ANKRD27: variants seen among roughly 807,000 people sequenced by gnomAD.
The protein encoded by ANKRD27 is ankyrin repeat domain 27.
Under a neutral mutation model 129.7 loss-of-function variants are expected in ANKRD27, and 112 were observed. The observed-to-expected ratio is 0.86, with a 90% CI of 0.74 to 1.01. ANKRD27 has a LOEUF of 1.01. Among genes scored for constraint, ANKRD27 ranks in the 50% least tolerant of loss-of-function variants. ANKRD27 has a pLI of 0.00. For missense variants in ANKRD27, 1,258 were observed against 1,300.5 expected (o/e 0.97, Z 0.50); for synonymous variants, 516 against 511.2 (o/e 1.01, Z -0.13).
At chr19:32,659,258 T>G (rs553411942) in intron 1 of ANKRD27, among the ~76,000 whole-genome samples, 1 of 151,998 alleles carries the variant, frequency 6.6e-6, no homozygotes, top group Non-Finnish European at 1.5e-5. Flanking sequence ...TTTTTGTATT[T>G]TTAGTAAAGA....
chr19:32,656,225 T>C (rs1967534383), intron 2 of ANKRD27, among the ~76,000 whole-genome samples: 1 of 152,078 alleles, frequency 6.6e-6, no homozygotes, highest in African/African-American at 2.4e-5. Context: ...TCCACAGAAA[T>C]AACTATGCCA....
chr19:32,660,267 G>A (rs955276158), intron 1 of ANKRD27, among the ~76,000 whole-genome samples: 2 of 152,170 alleles, frequency 1.3e-5, no homozygotes, highest in South Asian at 2.1e-4. Context: ...TTATGCAGCC[G>A]GGCACAGTGG....
intron 1 of ANKRD27, among the ~76,000 whole-genome samples, chr19:32,662,024 T>TA (rs1280748141): frequency 6.6e-6 from 1 of 152,046 alleles, no homozygotes; most frequent in African/African-American, 2.4e-5. Flanking sequence ...CATCAGAAGA[T>TA]AGAGTAGGCC....
rs960768899 is a variant in ANKRD27, at chr19:32,675,117, G to C, written c.-77C>G. The C allele has an allele frequency of 2.6e-5, 4 of 152,356 alleles. No individual in the cohort carries two copies. The highest frequency in any genetic ancestry group is 5.9e-5 in the Non-Finnish European group (4 of 68,180). The allele number at this position is 152,356 out of a possible 1,614,324, so 9.4% of individuals were successfully genotyped here. A position where few individuals can be genotyped will look rare whatever the true frequency, so the allele number is the denominator to read the frequency against. The stretch of plus-strand genomic sequence containing the variant: ...TTCCCAGCCCATCCTGGGCGACGGC[G>C]GCACCTCCCTCGTCCGCTGCTGGGA... On this transcript the variant is annotated 5_prime_UTR_variant, in exon 1 of 29. Transcript: ENST00000306065.
chr19:32,618,585 G>C (rs1191049421), intron 20 of ANKRD27, among the ~76,000 whole-genome samples: 1 of 152,144 alleles, frequency 6.6e-6, no homozygotes, highest in Non-Finnish European at 1.5e-5. Context: ...TCTCTTGGCT[G>C]TCTCTGCTAT....
rs1484604480 is a variant in ANKRD27, at chr19:32,615,792, G to C, written c.2053-12C>G. ...AACAGGTAACGCACCTGGTGATGGA[G>C]AGTAACGGAAACAGGAACACATCCT... On this transcript the variant is annotated splice_polypyrimidine_tract_variant and intron_variant, in intron 21 of 28. Transcript: ENST00000306065. The C allele has an allele frequency of 1.9e-6, 3 of 1,609,550 alleles. No homozygotes were observed. The highest frequency in any genetic ancestry group is 2.2e-5 in the East Asian group (1 of 44,752).
rs1220468888 is a variant in ANKRD27, at chr19:32,631,382, G to A, written c.1209+20C>T. 2.5e-6 allele frequency: 4 copies of A among 1,603,920 alleles called. No homozygotes were observed. The highest frequency in any genetic ancestry group is 1.3e-5 in the African/African-American group (1 of 74,710). On this transcript the variant is annotated intron_variant, in intron 13 of 28. Transcript: ENST00000306065. ...TGTTCCTCACCCACATTTACCCACA[G>A]AGATGTCTTGGTATCTCACCTTAAA...
intron 2 of ANKRD27, among the ~76,000 whole-genome samples, chr19:32,657,548 G>A (rs185150502): frequency 4.0e-5 from 6 of 151,168 alleles, no homozygotes; most frequent in African/African-American, 7.3e-5. Flanking sequence ...ACTTGAACCC[G>A]GGAGGCAGAG....
Position 32,651,430 on chromosome 19 carries a change from C to T in ANKRD27, c.103-1638G>A, listed in dbSNP as rs1231478266. Among the ~76,000 whole-genome samples, 5 of 152,046 alleles carry T rather than the reference C, an allele frequency of 3.3e-5. No individual in the cohort carries two copies. The South Asian group carries it at 8.3e-4, about 25-fold the overall frequency. ...TGTTGCCCAGGCTGGAGTGCAGTGG[C>T]GTGATCTCGGCTCACTGCAAGTTCC... On this transcript the variant is annotated intron_variant, in intron 2 of 28. Coordinates refer to ENST00000306065, the MANE Select transcript of ANKRD27 (RefSeq NM_032139.3).
chr19:32,646,737 G>T, intron 3 of ANKRD27, 122 bp from the exon 4 acceptor site: 1 of 994,546 alleles, frequency 1.0e-6, no homozygotes, highest in South Asian at 1.8e-5. Flanking sequence ...GGGTTTGCTG[G>T]GGCACAAATA....
Position 32,618,451 on chromosome 19 carries a change from GAAAAAAAA to G in ANKRD27, c.2007+801_2007+808del, listed in dbSNP as rs55674756. 8.2e-4 allele frequency among the ~76,000 whole-genome samples: 82 copies of G among 100,306 alleles called. 1 individual carries two copies. In the South Asian group the frequency reaches 0.025, roughly 31 times the overall value. The allele number at this position is 100,306 out of a possible 152,430, so 65.8% of individuals were successfully genotyped here. On this transcript the variant is annotated intron_variant, in intron 20 of 28. Transcript: ENST00000306065. Reference sequence around the variant, plus strand: ...ACACAGTGAGACCGTGTCCCAAAAAGAAAAAAAAAAAAAAAAAAAAAGAAATACTGAAC... The same window carrying G: ...ACACAGTGAGACCGTGTCCCAAAAAGAAAAAAAAAAAAAGAAATACTGAAC...
intron 28 of ANKRD27, among the ~76,000 whole-genome samples, chr19:32,598,895 A>C (rs963928869): frequency 6.6e-6 from 1 of 152,218 alleles, no homozygotes; most frequent in Non-Finnish European, 1.5e-5. Context: ...CATATGCTAT[A>C]AATTCTCATC....
At chr19:32,644,695 T>C (rs1195918207) in intron 4 of ANKRD27, among the ~76,000 whole-genome samples, 1 of 152,204 alleles carries the variant, frequency 6.6e-6, no homozygotes, top group Non-Finnish European at 1.5e-5. Flanking sequence ...TCTGGGACCA[T>C]GGGCAAGACC....
chr19:32,626,949 T>G, intron 15 of ANKRD27, 122 bp from the exon 16 acceptor site: 1 of 595,026 alleles, frequency 1.7e-6, no homozygotes, highest in Admixed American at 3.3e-5. Flanking sequence ...CGGTAGATAC[T>G]TTTTCTGCTA....
At chr19:32,632,936 G>A (rs931497094) in intron 12 of ANKRD27, among the ~76,000 whole-genome samples, 3 of 152,202 alleles carry the variant, frequency 2.0e-5, no homozygotes, top group Admixed American at 1.3e-4. Context: ...TCCCCCAGGA[G>A]GGTTAACTTA....
intron 2 of ANKRD27, among the ~76,000 whole-genome samples, chr19:32,651,514 C>A (rs1339673142): frequency 6.6e-6 from 1 of 152,192 alleles, no homozygotes; most frequent in Non-Finnish European, 1.5e-5. Context: ...GGACTACAGG[C>A]GTCCGCCACC....
At chr19:32,611,716 G>T (rs1049086317) in intron 22 of ANKRD27, among the ~76,000 whole-genome samples, 1 of 152,062 alleles carries the variant, frequency 6.6e-6, no homozygotes, top group South Asian at 2.1e-4. Context: ...CGAGTAGCTG[G>T]GATTACAGGC....
chr19:32,639,045 A>T, intron 12 of ANKRD27: 1 of 449,466 alleles, frequency 2.2e-6, no homozygotes, highest in Non-Finnish European at 3.9e-6. Flanking sequence ...CTTGACTATC[A>T]AGGTCAAGAA....
intron 2 of ANKRD27, among the ~76,000 whole-genome samples, chr19:32,650,490 C>A (rs766259817): frequency 2.6e-5 from 4 of 152,052 alleles, no homozygotes; most frequent in Admixed American, 6.6e-5. Flanking sequence ...AGTTTGAGAC[C>A]AGCCTGGTCA....
Sources: gnomAD v4.1 joint callset for allele counts (sites outside exome capture counted in the v4.1 genomes callset) on GRCh38, gnomAD v4.1.1 for gene constraint, MANE v1.5 for transcripts, NCBI Gene and HGNC (gene_info 2026-07-23, HGNC 2026-07-21) for gene names.